Variants in SEPTIN9 observed in about 807,000 individuals in gnomAD.
SEPTIN9 encodes septin 9.
SEPTIN9 carries 13 observed loss-of-function variants against 56.6 expected under a neutral mutation model. The ratio of observed to expected loss-of-function variants is 0.23; its 90% CI spans 0.15 to 0.37. SEPTIN9 has a LOEUF of 0.37. Ranked by LOEUF, SEPTIN9 falls within the 10% of genes least tolerant of loss-of-function variation. The pLI is 1.00. For synonymous variants in SEPTIN9, 332 were observed against 334.1 expected (o/e 0.99, Z 0.07); for missense variants, 650 against 823.1 (o/e 0.79, Z 2.57).
rs1169732717 is a variant in SEPTIN9 at position 77,319,711 on chromosome 17, A to C, written c.76+12514A>C. ...AGGAAGGCGAGGCAGGCACGCAGGA[A>C]CTGGGCTTTTTAAACCCTTAAGCCC... On this transcript the variant is annotated intron_variant, in intron 2 of 11. Transcript: ENST00000427177. This position sits in a 1 kb window ranked among gnomAD's most constrained non-coding sequence, Gnocchi z 5.3. 2 of 1,067,022 alleles carry C rather than the reference A, an allele frequency of 1.9e-6. No homozygotes were observed. Among genetic ancestry groups the C allele is most frequent in the Non-Finnish European group, 2.3e-6 (2 of 880,178 alleles). The allele number at this position is 1,067,022 out of a possible 1,614,324, so 66.1% of individuals were successfully genotyped here. A position where few individuals can be genotyped will look rare whatever the true frequency, so the allele number is the denominator to read the frequency against.
At position 77,434,332 on chromosome 17, in the gene SEPTIN9, T is replaced by C. The variant is rs1772058331; in HGVS notation, c.721+31629T>C. ...ACCCGCAGGGCCTGCAGGAGCATCCTGAGAGTTGGTAGGGTGGCCTGCCCG... is the reference window on the plus strand; with the variant it reads ...ACCCGCAGGGCCTGCAGGAGCATCCCGAGAGTTGGTAGGGTGGCCTGCCCG... On this transcript the variant is annotated intron_variant, in intron 3 of 11. Transcript: ENST00000427177. This position sits in a 1 kb window ranked among gnomAD's most constrained non-coding sequence, Gnocchi z 5.0. Among the ~76,000 whole-genome samples the C allele has an allele frequency of 6.6e-6, 1 of 152,108 alleles. No individual in the cohort carries two copies. Among genetic ancestry groups the C allele is most frequent in the Admixed American group, 6.5e-5 (1 of 15,282 alleles).
chr17:77,489,129 G>T (rs2039922171), intron 7 of SEPTIN9, among the ~76,000 whole-genome samples: 1 of 152,212 alleles, frequency 6.6e-6, no homozygotes, highest in Non-Finnish European at 1.5e-5. Context: ...GGGCTGTTCT[G>T]GAGCCTGGTG....
chr17:77,415,912 A>G (rs530739690), intron 3 of SEPTIN9, among the ~76,000 whole-genome samples: 35 of 152,366 alleles, frequency 2.3e-4, no homozygotes, highest in African/African-American at 8.2e-4. Flanking sequence ...CGGCTGGGGC[A>G]AGGTGTGTCA....
At chr17:77,416,040 C>T (rs1490189067) in intron 3 of SEPTIN9, among the ~76,000 whole-genome samples, 1 of 152,222 alleles carries the variant, frequency 6.6e-6, no homozygotes, top group Non-Finnish European at 1.5e-5. Context: ...CTATGATGAA[C>T]AAATGTTGGA....
In SEPTIN9 at chr17:77,402,462, A is replaced by G. The variant is rs1446659836; in HGVS notation, c.480A>G (p.Ser160=). The part of the protein sequence containing the change: ...TEITIVKPQE[S]AHRRMEPPAS... ...TCACCATCGTCAAACCCCAGGAGTC[A>G]GCCCACCGGAGGATGGAGCCCCCTG... is the stretch of plus-strand genomic sequence containing the variant. Residue 160 remains serine (S), a synonymous_variant, in exon 3 of 12, where the codon TCA becomes TCG. Transcript: ENST00000427177. The surrounding 1 kb of genome is among the most constrained non-coding windows in gnomAD (Gnocchi z 6.6). 1 of 1,609,154 alleles carries G rather than the reference A, an allele frequency of 6.2e-7. No individual in the cohort carries two copies.
At chr17:77,454,254 A>G in intron 3 of SEPTIN9, 3 of 985,512 alleles carry the variant, frequency 3.0e-6, no homozygotes, top group Non-Finnish European at 3.6e-6. Context: ...TTTGGGGAAG[A>G]GGCTTCCTGA....
chr17:77,413,731 C>T (rs2036385429), intron 3 of SEPTIN9, among the ~76,000 whole-genome samples: 1 of 151,990 alleles, frequency 6.6e-6, no homozygotes. Context: ...AGGCCAAGGG[C>T]TTCAGGAATT....
rs2033255545 is a variant in SEPTIN9 at position 77,329,171 on chromosome 17, T to C, written c.76+21974T>C. On this transcript the variant is annotated intron_variant, in intron 2 of 11. Transcript: ENST00000427177. The surrounding 1 kb of genome is among the most constrained non-coding windows in gnomAD (Gnocchi z 4.3). ...TCACTATGGTGGGACCTCAGTGCCC[T>C]GTGGCTGCTGAGAATGGCCAGGGGC... Among the ~76,000 whole-genome samples, 1 of 152,218 alleles carries C rather than the reference T, an allele frequency of 6.6e-6. No homozygotes were observed. The highest frequency in any genetic ancestry group is 1.5e-5 in the Non-Finnish European group (1 of 68,030).
At chr17:77,354,219 A>G (rs2034150969) in intron 2 of SEPTIN9, among the ~76,000 whole-genome samples, 1 of 152,148 alleles carries the variant, frequency 6.6e-6, no homozygotes, top group Admixed American at 6.5e-5. Flanking sequence ...TTGTTTCATG[A>G]CAACCCTGTG....
rs549655226 is a variant in SEPTIN9 at position 77,349,014 on chromosome 17, T to C, written c.76+41817T>C. 2.6e-5 allele frequency among the ~76,000 whole-genome samples: 4 copies of C among 152,336 alleles called. No homozygotes were observed. In the South Asian group the frequency reaches 8.3e-4, roughly 32 times the overall value. On this transcript the variant is annotated intron_variant, in intron 2 of 11. Transcript: ENST00000427177. ...TGGAGAACTTGCTTCACGGTTTTTGTAGTGCAGGTTTGCAGACAGCTAATT... is the reference window on the plus strand; with the variant it reads ...TGGAGAACTTGCTTCACGGTTTTTGCAGTGCAGGTTTGCAGACAGCTAATT...
intron 3 of SEPTIN9, among the ~76,000 whole-genome samples, chr17:77,471,370 A>T (rs2038989725): frequency 6.6e-6 from 1 of 152,198 alleles, no homozygotes; most frequent in Non-Finnish European, 1.5e-5. Flanking sequence ...GCCCGAGCTG[A>T]TCTGCACAGC....
At chr17:77,287,158 C>T (rs952434564) in intron 1 of SEPTIN9, among the ~76,000 whole-genome samples, 5 of 152,240 alleles carry the variant, frequency 3.3e-5, no homozygotes, top group Admixed American at 6.5e-5. Flanking sequence ...GATCTGGAAT[C>T]GCTGACCAAA....
chr17:77,298,784 A>C (rs906693327), intron 1 of SEPTIN9, among the ~76,000 whole-genome samples: 1 of 152,226 alleles, frequency 6.6e-6, no homozygotes. Flanking sequence ...CATGCAATCC[A>C]ATACACAGGC....
intron 2 of SEPTIN9, chr17:77,322,572 C>G (rs969416008): frequency 6.6e-6 from 1 of 152,262 alleles, no homozygotes; most frequent in African/African-American, 2.4e-5. Flanking sequence ...CACTGAACTC[C>G]CGCACAGTCC....
rs981694930 is a variant in SEPTIN9, at chr17:77,425,020, C to T, written c.721+22317C>T. ...TAACCAGGACTTACGCATAGTTGGG[C>T]GAAGTCGAGTGACCACATGTGGAAG... is the stretch of plus-strand genomic sequence containing the variant. On this transcript the variant is annotated intron_variant, in intron 3 of 11. Coordinates refer to ENST00000427177, the MANE Select transcript of SEPTIN9 (RefSeq NM_001113491.2). The surrounding 1 kb of genome is among the most constrained non-coding windows in gnomAD (Gnocchi z 4.2). Among the ~76,000 whole-genome samples the T allele has an allele frequency of 1.3e-5, 2 of 152,178 alleles. No homozygotes were observed. Among genetic ancestry groups the T allele is most frequent in the Non-Finnish European group, 2.9e-5 (2 of 68,024 alleles).
At chr17:77,467,184 T>C (rs571214629) in intron 3 of SEPTIN9, among the ~76,000 whole-genome samples, 45 of 152,336 alleles carry the variant, frequency 3.0e-4, no homozygotes, top group Non-Finnish European at 4.7e-4. Context: ...CTTCTGCTGG[T>C]GTCTCAGAAG....
chr17:77,457,375 C>T (rs1431798902), intron 3 of SEPTIN9, among the ~76,000 whole-genome samples: 1 of 152,198 alleles, frequency 6.6e-6, no homozygotes, highest in Non-Finnish European at 1.5e-5. Context: ...TCCATCTCCC[C>T]AAGTCTCCCC....
At chr17:77,312,480 C>T (rs1308061289) in intron 2 of SEPTIN9, among the ~76,000 whole-genome samples, 2 of 124,300 alleles carry the variant, frequency 1.6e-5, no homozygotes, top group Non-Finnish European at 3.3e-5. Context: ...GGCTTCCATG[C>T]TCCTGGACCT....
chr17:77,440,227 T>C (rs376234401), intron 3 of SEPTIN9, among the ~76,000 whole-genome samples: 4 of 152,172 alleles, frequency 2.6e-5, no homozygotes, highest in Non-Finnish European at 5.9e-5. Flanking sequence ...CAATCTTGGC[T>C]CACTGCAACC....
Sources: gnomAD v4.1 joint callset for allele counts (sites outside exome capture counted in the v4.1 genomes callset) on GRCh38, gnomAD v4.1.1 for gene constraint, Gnocchi (gnomAD v3.1) non-coding constraint, MANE v1.5 for transcripts, NCBI Gene and HGNC (gene_info 2026-07-23, HGNC 2026-07-21) for gene names.